The following MUC3A variants were observed in gnomAD, a reference collection of about 807,000 sequenced individuals.
MUC3A encodes mucin 3A, cell surface associated.
A neutral mutation model predicts 109.0 loss-of-function variants in MUC3A; 109 were observed. The observed-to-expected ratio is 1.00, with a 90% confidence interval of 0.86 to 1.17. MUC3A has a LOEUF of 1.17. Ranked by LOEUF, MUC3A falls within the 50% of genes most tolerant of loss-of-function variation. MUC3A has a pLI of 0.00. For synonymous variants in MUC3A, 1,398 were observed against 981.4 expected, an observed-to-expected ratio of 1.42 and a Z score of -7.93; for missense variants, 3,537 against 2,469.4, an observed-to-expected ratio of 1.43 and a Z score of -9.16.
At chr7:100,966,109 G>A in intron 8 of MUC3A, 1 of 673,892 alleles carries the variant, frequency 1.5e-6, no homozygotes, top group East Asian at 3.2e-5. Context: ...CTCATTCTAG[G>A]GTGGGGCCCC....
In MUC3A at chr7:100,967,357, C is replaced by T. The variant is rs1272337580; in HGVS notation, c.*195C>T. 6 of 822,848 alleles carry T rather than the reference C, an allele frequency of 7.3e-6. No homozygotes were observed. Among genetic ancestry groups the T allele is most frequent in the East Asian group, 2.7e-5 (1 of 37,426 alleles). The allele number at this position is 822,848 out of a possible 1,614,324, so 51.0% of individuals were successfully genotyped here. On this transcript the variant is annotated 3_prime_UTR_variant, in exon 12 of 12. Transcript: ENST00000379458. ...GAAACCCACCTGGAGACGCAGTTCA[C>T]GTCCAGGCTCTTCCACTGTGGAATC...
In MUC3A at chr7:100,966,487, T is replaced by C. The variant is rs1181485194; in HGVS notation, c.9713T>C (p.Leu3238Pro). 1.5e-6 allele frequency: 2 copies of C among 1,317,508 alleles called. No homozygotes were observed. Among genetic ancestry groups the C allele is most frequent in the East Asian group, 5.9e-5 (2 of 34,168 alleles). The allele number at this position is 1,317,508 out of a possible 1,614,324, so 81.6% of individuals were successfully genotyped here. A position where few individuals can be genotyped will look rare whatever the true frequency, so the allele number is the denominator to read the frequency against. The part of the protein sequence containing the change: ...VGGLTAGAAL[L>P]VLLLLALGVR... ...GGCCTGACGGCCGGCGCCGCGCTGC[T>C]GGTGCTGCTGCTGCTGGCGCTGGGC... The change falls in exon 9 of 12, where the codon CTG (leucine) becomes CCG (proline). Residue 3238 changes from leucine to proline, a missense_variant. Coordinates refer to ENST00000379458, the MANE Select transcript of MUC3A (RefSeq NM_005960.2).
chr7:100,957,324 C>T lies in MUC3A; in HGVS notation c.5545C>T (p.Leu1849Phe), dbSNP rs1346769239. 5.1e-6 allele frequency: 3 copies of T among 587,008 alleles called. No homozygotes were observed. The South Asian group carries it at 6.6e-5, about 13-fold the overall frequency. The allele number at this position is 587,008 out of a possible 1,614,324, so 36.4% of individuals were successfully genotyped here. ...CTACCCTACTTCTCTTACTAGTGCT[C>T]TCACAGATTCCACGACCAGAACCAC... is the stretch of plus-strand genomic sequence containing the variant. ...TTYPTSLTSA[L>F]TDSTTRTTYS... Residue 1849 changes from leucine (L) to phenylalanine (F), a missense_variant, in exon 2 of 12, where the codon CTC becomes TTC. Transcript: ENST00000379458.
rs1792140609 is a variant in MUC3A, at chr7:100,957,770, C to T, written c.5991C>T (p.Thr1997=). The T allele has an allele frequency of 2.4e-6, 3 of 1,255,832 alleles. No homozygotes were observed. Among genetic ancestry groups the T allele is most frequent in the Non-Finnish European group, 3.4e-6 (3 of 884,434 alleles). 77.8% of individuals were successfully genotyped at this position (1,255,832 alleles called of 1,614,324 possible). ...HSTPSYTSLI[T]TTTTTSHSTP... is the part of the protein sequence containing the mutation. ...CTCCCAGCTACACTTCTTTGATCAC[C>T]ACAACCACCACCACCTCACACAGTA... The change falls in exon 2 of 12, where the codon ACC becomes ACT. Residue 1997 remains threonine, a synonymous_variant. Transcript: ENST00000379458.
chr7:100,964,418 C>T (rs1342902424), intron 5 of MUC3A: 1 of 472,162 alleles, frequency 2.1e-6, no homozygotes, highest in African/African-American at 2.0e-5. Flanking sequence ...TACAATGATA[C>T]CACTGCACTC....
chr7:100,957,585 C>T lies in MUC3A; in HGVS notation c.5806C>T (p.His1936Tyr). The T allele has an allele frequency of 7.2e-6, 10 of 1,391,866 alleles. No individual in the cohort carries two copies. The highest frequency in any genetic ancestry group is 9.3e-6 in the Non-Finnish European group (10 of 1,080,526). 86.2% of individuals were successfully genotyped at this position (1,391,866 alleles called of 1,614,324 possible). Residue 1936 changes from histidine (H) to tyrosine (Y), a missense_variant, in exon 2 of 12, where the codon CAC (histidine) becomes TAC (tyrosine). By Grantham distance (83) the His-to-Tyr change is moderately conservative. Transcript: ENST00000379458. ...AATCACCACTACCGAGACCCCCTCACACAGTACTCCCAGATTCACTTCTTC... is the reference window on the plus strand; with the variant it reads ...AATCACCACTACCGAGACCCCCTCATACAGTACTCCCAGATTCACTTCTTC... The part of the protein sequence containing the change: ...SSITTTETPS[H>Y]STPRFTSSIT...
chr7:100,964,960 G>A (rs1052104544), intron 6 of MUC3A, 117 bp downstream of exon 6: 2 of 1,445,294 alleles, frequency 1.4e-6, no homozygotes, highest in Non-Finnish European at 9.2e-7. Flanking sequence ...GGCAGGTTGG[G>A]AGAAGGGGAA....
intron 11 of MUC3A, 32 bp downstream of exon 11, chr7:100,966,983 C>A: frequency 6.3e-7 from 1 of 1,598,546 alleles, no homozygotes; most frequent in Non-Finnish European, 8.5e-7. Context: ...CCCCAAGGAA[C>A]TCTCCCAGCC....
chr7:100,964,454 T>G, intron 5 of MUC3A: 1 of 591,734 alleles, frequency 1.7e-6, no homozygotes, highest in South Asian at 3.6e-5. Flanking sequence ...CAAGACTTTG[T>G]CTCTATAAAA....
intron 7 of MUC3A, 172 bp from the exon 8 acceptor site, chr7:100,965,532 A>T: frequency 7.1e-7 from 1 of 1,407,372 alleles, no homozygotes; most frequent in Non-Finnish European, 9.5e-7. Context: ...CCACGAGGAG[A>T]GGGTGAGGGT....
In MUC3A at chr7:100,960,786, C is replaced by A. The variant is rs2904852; in HGVS notation, c.8901C>A (p.Gly2967=). 0.072 allele frequency: 113,759 copies of A among 1,589,722 alleles called. No individual in the cohort carries two copies. Among genetic ancestry groups the A allele is most frequent in the Middle Eastern group, 0.1 (629 of 6,030 alleles). Residue 2967 remains glycine, a synonymous_variant, in exon 3 of 12, where the codon GGC becomes GGA. Transcript: ENST00000379458. ...TCDNGGTWEQ[G]QCACLPGFSG... ...ACAATGGTGGCACCTGGGAACAGGG[C>A]CAGTGTGCTTGCCTTCCGGGGTTTT... is the stretch of plus-strand genomic sequence containing the variant.
Position 100,958,178 on chromosome 7 carries a change from CACT to C in MUC3A, c.6400_6402del (p.Thr2134del). The C allele has an allele frequency of 9.9e-7, 1 of 1,009,362 alleles. No homozygotes were observed. The highest frequency in any genetic ancestry group is 1.5e-6 in the Non-Finnish European group (1 of 646,456). 62.5% of individuals were successfully genotyped at this position (1,009,362 alleles called of 1,614,324 possible). ...CCAGCTTCACTTCTTCGATCACCACCACTGAGAACGCCACACACAGTACTCCCA... is the reference window on the plus strand; with the variant it reads ...CCAGCTTCACTTCTTCGATCACCACCGAGAACGCCACACACAGTACTCCCA... On this transcript the variant is annotated inframe_deletion, in exon 2 of 12. Coordinates refer to ENST00000379458, the MANE Select transcript of MUC3A (RefSeq NM_005960.2).
Position 100,958,030 on chromosome 7 carries a change from A to T in MUC3A, c.6251A>T (p.Glu2084Val). 1.7e-5 allele frequency: 17 copies of T among 1,009,686 alleles called. No individual in the cohort carries two copies. Among genetic ancestry groups the T allele is most frequent in the Non-Finnish European group, 2.2e-5 (15 of 682,682 alleles). 62.5% of individuals were successfully genotyped at this position (1,009,686 alleles called of 1,614,324 possible). A position where few individuals can be genotyped will look rare whatever the true frequency, so the allele number is the denominator to read the frequency against. Residue 2084 changes from glutamate to valine, a missense_variant, in exon 2 of 12, where the codon GAG becomes GTG. Glu to Val is a moderately radical substitution (Grantham distance 121). Coordinates refer to ENST00000379458, the MANE Select transcript of MUC3A (RefSeq NM_005960.2). Reference sequence around the variant, plus strand: ...TACACTACCTCAATCACCACCACCGAGACCCCCTCACACAGTACTCTCAGC... The same window carrying T: ...TACACTACCTCAATCACCACCACCGTGACCCCCTCACACAGTACTCTCAGC... ...LSYTTSITTT[E>V]TPSHSTLSFT...
Position 100,960,630 on chromosome 7 carries a change from T to A in MUC3A, c.8851T>A (p.Leu2951Met). ...TTCTCAGATGACCACACAGTCCACGTTGACCACCACTGCAGGTTGGACCTT... is the reference window on the plus strand; with the variant it reads ...TTCTCAGATGACCACACAGTCCACGATGACCACCACTGCAGGTTGGACCTT... Reference protein sequence around the residue: ...ITSQMTTQSTLTTTAGTCDNG... With the variant: ...ITSQMTTQSTMTTTAGTCDNG... The change falls in exon 2 of 12, where the codon TTG becomes ATG. Residue 2951 changes from leucine to methionine, a missense_variant. Physicochemically the swap from Leu to Met is conservative, Grantham distance 15. Coordinates refer to ENST00000379458, the MANE Select transcript of MUC3A (RefSeq NM_005960.2). The A allele has an allele frequency of 6.3e-7, 1 of 1,598,108 alleles. No homozygotes were observed.
chr7:100,961,663 T>TATAAACACAGAA (rs148961911), intron 3 of MUC3A, among the ~76,000 whole-genome samples: 18 of 151,998 alleles, frequency 1.2e-4, no homozygotes, highest in Non-Finnish European at 8.8e-5. Flanking sequence ...CTGTCTCTAC[T>TATAAACACAGAA]ATTAGTTGGG....
chr7:100,961,340 A>T (rs1792318593), intron 3 of MUC3A, among the ~76,000 whole-genome samples: 2 of 64,200 alleles, frequency 3.1e-5, no homozygotes, highest in Non-Finnish European at 6.3e-5. Context: ...CAGCGGCTCC[A>T]GGGAAGAATC....
Position 100,966,850 on chromosome 7 carries a change from C to A in MUC3A, c.9878-49C>A, listed in dbSNP as rs761380818. On this transcript the variant is annotated intron_variant, in intron 10 of 11. Coordinates refer to ENST00000379458, the MANE Select transcript of MUC3A (RefSeq NM_005960.2). ...CATTTACTCCGTCCCCCTCTCCCTTCCGTCCCCTCCCTCTCCCCTTCTCTT... is the reference window on the plus strand; with the variant it reads ...CATTTACTCCGTCCCCCTCTCCCTTACGTCCCCTCCCTCTCCCCTTCTCTT... 59 of 1,598,400 alleles carry A rather than the reference C, an allele frequency of 3.7e-5. No homozygotes were observed. The East Asian group carries it at 1.2e-3, about 31-fold the overall frequency.
chr7:100,957,562 T>A lies in MUC3A; in HGVS notation c.5783T>A (p.Ile1928Asn). The change falls in exon 2 of 12, where the codon ATC becomes AAC. Residue 1928 changes from isoleucine (I) to asparagine (N), a missense_variant. By Grantham distance (149) the Ile-to-Asn change is moderately radical. Coordinates refer to ENST00000379458, the MANE Select transcript of MUC3A (RefSeq NM_005960.2). ...AGTACTCCCAGATTCACTTCTTCAA[T>A]CACCACTACCGAGACCCCCTCACAC... ...SHSTPRFTSS[I>N]TTTETPSHST... 6.5e-7 allele frequency: 1 copy of A among 1,548,152 alleles called. No homozygotes were observed. Among genetic ancestry groups the A allele is most frequent in the South Asian group, 1.2e-5 (1 of 84,872 alleles).
chr7:100,960,054 T>TCC lies in MUC3A; in HGVS notation c.8276_8277insCC (p.Tyr2760LeufsTer15). Reference sequence around the variant, plus strand: ...AGCTCTCACTGAAATAACCCCCTTTTCTTATATTTCCCTTCCCTCCACCAC... The same window carrying TCC: ...AGCTCTCACTGAAATAACCCCCTTTTCCCTTATATTTCCCTTCCCTCCACCAC... On this transcript the variant is annotated frameshift_variant, in exon 2 of 12. Transcript: ENST00000379458. LOFTEE classifies it high-confidence loss of function. 1 of 1,510,030 alleles carries TCC rather than the reference T, an allele frequency of 6.6e-7. No individual in the cohort carries two copies. The highest frequency in any genetic ancestry group is 8.8e-7 in the Non-Finnish European group (1 of 1,140,284). The allele number at this position is 1,510,030 out of a possible 1,614,324, so 93.5% of individuals were successfully genotyped here.
Sources: gnomAD v4.1 joint callset for allele counts (sites outside exome capture counted in the v4.1 genomes callset) on GRCh38, gnomAD v4.1.1 for gene constraint, MANE v1.5 for transcripts, NCBI Gene and HGNC (gene_info 2026-07-23, HGNC 2026-07-21) for gene names.